The following SMAD2 variants were observed in gnomAD, a reference collection of about 807,000 sequenced individuals.
SMAD2 encodes SMAD family member 2.
SMAD2 carries 8 observed loss-of-function variants against 64.4 expected under a neutral mutation model. The ratio of observed to expected loss-of-function variants is 0.12; its 90% confidence interval spans 0.07 to 0.22. SMAD2 has a LOEUF of 0.22. Among genes scored for constraint, SMAD2 ranks in the 10% least tolerant of loss-of-function variants. The probability of loss-of-function intolerance (pLI) is 1.00; values close to 1 mark genes in which losing one functional copy is unlikely to be tolerated. For synonymous variants in SMAD2, 203 were observed against 195.8 expected (o/e 1.04, Z -0.31); for missense variants, 289 against 561.2 (o/e 0.51, Z 4.90).
rs952049221 is a variant in SMAD2, at chr18:47,830,108, G to A, written c.*11719C>T. The stretch of plus-strand genomic sequence containing the variant: ...CTTAGAATATGTGTTTGTGATTGAC[G>A]ATGTACATTTTTAAATGTGGTGATA... On this transcript the variant is annotated 3_prime_UTR_variant, in exon 11 of 11. Coordinates refer to ENST00000262160, the MANE Select transcript of SMAD2 (RefSeq NM_005901.6). 1 of 152,142 alleles carries A rather than the reference G, an allele frequency of 6.6e-6. No individual in the cohort carries two copies. The highest frequency in any genetic ancestry group is 1.5e-5 in the Non-Finnish European group (1 of 68,020). 9.4% of individuals were successfully genotyped at this position (152,142 alleles called of 1,614,324 possible).
At chr18:47,851,423 T>A in intron 6 of SMAD2, 96 bp from the exon 7 acceptor site, 1 of 724,966 alleles carries the variant, frequency 1.4e-6, no homozygotes, top group Non-Finnish European at 2.4e-6. Context: ...TTATCAACAA[T>A]AATACAAAGA....
intron 1 of SMAD2, among the ~76,000 whole-genome samples, chr18:47,911,783 C>A (rs372207431): frequency 1.1e-4 from 17 of 152,282 alleles, no homozygotes; most frequent in African/African-American, 3.6e-4. Flanking sequence ...ACCTATAATA[C>A]GACACATAAA....
Position 47,833,742 on chromosome 18 carries a change from GA to G in SMAD2, c.*8084del. On this transcript the variant is annotated 3_prime_UTR_variant, in exon 11 of 11. Transcript: ENST00000262160. ...TAATCATTTTAACACAACATTCACG[GA>G]AAAATGTTAACAACACATTCTGGCT... The G allele has an allele frequency of 8.7e-6, 2 of 230,996 alleles. No individual in the cohort carries two copies. Among genetic ancestry groups the G allele is most frequent in the Non-Finnish European group, 1.7e-5 (2 of 116,522 alleles). The allele number at this position is 230,996 out of a possible 1,614,324, so 14.3% of individuals were successfully genotyped here.
intron 6 of SMAD2, among the ~76,000 whole-genome samples, 198 bp from the exon 7 acceptor site, chr18:47,851,525 T>C (rs1308650454): frequency 1.3e-5 from 2 of 151,822 alleles, no homozygotes; most frequent in Admixed American, 1.3e-4. Flanking sequence ...GGTTCCAGTA[T>C]AAAAGGTGCA....
At chr18:47,858,089 T>C (rs2030871977) in intron 6 of SMAD2, among the ~76,000 whole-genome samples, 1 of 152,054 alleles carries the variant, frequency 6.6e-6, no homozygotes, top group South Asian at 2.1e-4. Flanking sequence ...TATTTTAATC[T>C]CTAATATTAT....
At chr18:47,898,403 G>GT (rs1469205230) in intron 1 of SMAD2, among the ~76,000 whole-genome samples, 1 of 152,158 alleles carries the variant, frequency 6.6e-6, no homozygotes, top group African/African-American at 2.4e-5. Flanking sequence ...TGGCCATTGT[G>GT]TATGTTTTTG....
In SMAD2 at chr18:47,834,527, A is replaced by G. The variant is rs531186544; in HGVS notation, c.*7300T>C. ...TCGTTCCTTAATATCACTAGAGAAAAGGTAAGAACTTTCAAGGGCATAACC... is the reference window on the plus strand; with the variant it reads ...TCGTTCCTTAATATCACTAGAGAAAGGGTAAGAACTTTCAAGGGCATAACC... On this transcript the variant is annotated 3_prime_UTR_variant, in exon 11 of 11. Coordinates refer to ENST00000262160, the MANE Select transcript of SMAD2 (RefSeq NM_005901.6). The G allele has an allele frequency of 4.9e-6, 1 of 205,792 alleles. No individual in the cohort carries two copies. Among genetic ancestry groups the G allele is most frequent in the Non-Finnish European group, 1.0e-5 (1 of 100,480 alleles). 12.7% of individuals were successfully genotyped at this position (205,792 alleles called of 1,614,324 possible). A position where few individuals can be genotyped will look rare whatever the true frequency, so the allele number is the denominator to read the frequency against.
intron 2 of SMAD2, among the ~76,000 whole-genome samples, chr18:47,884,580 C>G (rs531373100): frequency 1.8e-4 from 28 of 152,218 alleles, no homozygotes; most frequent in African/African-American, 6.3e-4. Context: ...ATTATAAAAA[C>G]TGAAGATTTC....
At position 47,829,137 on chromosome 18, in the gene SMAD2, C is replaced by T. The variant is rs1458697470; in HGVS notation, c.*12690G>A. The T allele has an allele frequency of 6.6e-6, 1 of 151,934 alleles. No individual in the cohort carries two copies. The highest frequency in any genetic ancestry group is 1.9e-4 in the East Asian group (1 of 5,176). The allele number at this position is 151,934 out of a possible 1,614,324, so 9.4% of individuals were successfully genotyped here. ...CCACCAGAGGATGTTAAGGAGGCTT[C>T]CTAGAGAAGACGTGGCAATGCACCT... On this transcript the variant is annotated 3_prime_UTR_variant, in exon 11 of 11. Transcript: ENST00000262160.
At position 47,834,570 on chromosome 18, in the gene SMAD2, C is replaced by T. The variant is rs1275901496; in HGVS notation, c.*7257G>A. 1 of 205,928 alleles carries T rather than the reference C, an allele frequency of 4.9e-6. No individual in the cohort carries two copies. Among genetic ancestry groups the T allele is most frequent in the East Asian group, 7.4e-5 (1 of 13,588 alleles). 12.8% of individuals were successfully genotyped at this position (205,928 alleles called of 1,614,324 possible). On this transcript the variant is annotated 3_prime_UTR_variant, in exon 11 of 11. Transcript: ENST00000262160. ...GCATAACCTTTAAGGGCATCAGTCCCCAAAATATTTTTACATCACTAGCTA... is the reference window on the plus strand; with the variant it reads ...GCATAACCTTTAAGGGCATCAGTCCTCAAAATATTTTTACATCACTAGCTA...
At chr18:47,850,485 ATATTATG>A (rs1184888252) in intron 7 of SMAD2, among the ~76,000 whole-genome samples, 3 of 27,238 alleles carry the variant, frequency 1.1e-4, no homozygotes, top group Non-Finnish European at 1.1e-4. Flanking sequence ...TATATATTAT[ATATTATG>A]TATAATATAT....
chr18:47,919,456 T>C (rs2034468304), intron 1 of SMAD2, among the ~76,000 whole-genome samples: 1 of 133,918 alleles, frequency 7.5e-6, no homozygotes, highest in African/African-American at 3.0e-5. Context: ...TGACCTTGTC[T>C]CAAAAAAAAA....
intron 2 of SMAD2, among the ~76,000 whole-genome samples, chr18:47,888,809 G>A (rs2033043823): frequency 6.6e-6 from 1 of 152,134 alleles, no homozygotes; most frequent in South Asian, 2.1e-4. Context: ...ACATGAAAAT[G>A]CAGGAAAATT....
intron 5 of SMAD2, 112 bp from the exon 6 acceptor site, chr18:47,865,245 T>C: frequency 1.5e-6 from 1 of 651,542 alleles, no homozygotes; most frequent in Non-Finnish European, 2.7e-6. Flanking sequence ...AATAATGTTA[T>C]ATAATATTAT....
chr18:47,847,727 T>C (rs1013821028), intron 8 of SMAD2, among the ~76,000 whole-genome samples: 2 of 132,266 alleles, frequency 1.5e-5, no homozygotes, highest in African/African-American at 6.0e-5. Flanking sequence ...AAAAATAGAG[T>C]GGCAACATTT....
chr18:47,877,789 CTG>C (rs1207705307), intron 2 of SMAD2, among the ~76,000 whole-genome samples: 2 of 151,948 alleles, frequency 1.3e-5, no homozygotes, highest in Non-Finnish European at 2.9e-5. Context: ...ATGCAAAAAA[CTG>C]TATCTCTTGA....
intron 2 of SMAD2, among the ~76,000 whole-genome samples, chr18:47,873,860 AG>A (rs983448210): frequency 6.6e-6 from 1 of 152,122 alleles, no homozygotes; most frequent in Non-Finnish European, 1.5e-5. Flanking sequence ...AGAACACTGC[AG>A]GGGGGTTGTT....
At chr18:47,879,495 C>CTGTGTGTGT (rs150623286) in intron 2 of SMAD2, among the ~76,000 whole-genome samples, 1 of 141,340 alleles carries the variant, frequency 7.1e-6, no homozygotes, top group Non-Finnish European at 1.5e-5. Flanking sequence ...ATGTATATGA[C>CTGTGTGTGT]GTGTGTGTGT....
At chr18:47,914,983 C>T (rs1469175439) in intron 1 of SMAD2, among the ~76,000 whole-genome samples, 1 of 152,074 alleles carries the variant, frequency 6.6e-6, no homozygotes, top group Admixed American at 6.5e-5. Flanking sequence ...TGCATATTTT[C>T]TCCATAAAAA....
Sources: gnomAD v4.1 joint callset for allele counts (sites outside exome capture counted in the v4.1 genomes callset) on GRCh38, gnomAD v4.1.1 for gene constraint, MANE v1.5 for transcripts, NCBI Gene and HGNC (gene_info 2026-07-23, HGNC 2026-07-21) for gene names.